The following CSGALNACT2 variants were observed in gnomAD, a reference collection of about 807,000 sequenced individuals.
CSGALNACT2 encodes chondroitin sulfate N-acetylgalactosaminyltransferase 2.
In CSGALNACT2, 35 loss-of-function variants were observed where a neutral mutation model predicts 55.3. That is an observed-to-expected ratio of 0.63 (90% CI 0.48 to 0.84). The LOEUF (loss-of-function observed/expected upper bound fraction) is 0.84, where lower values mean the gene tolerates loss of function less well. Ranked by LOEUF, CSGALNACT2 falls within the 40% of genes least tolerant of loss-of-function variation. The pLI is 0.00. For synonymous variants in CSGALNACT2, 196 were observed against 224.9 expected (o/e 0.87, Z 1.15); for missense variants, 544 against 657.5 (o/e 0.83, Z 1.89).
chr10:43,172,554 G>A (rs1427174307), intron 6 of CSGALNACT2, among the ~76,000 whole-genome samples: 3 of 152,182 alleles, frequency 2.0e-5, no homozygotes, highest in African/African-American at 4.8e-5. Flanking sequence ...AGGCCCAGGA[G>A]GCTGGGTGAT....
At chr10:43,159,535 C>T (rs557947226) in intron 3 of CSGALNACT2, among the ~76,000 whole-genome samples, 7 of 152,228 alleles carry the variant, frequency 4.6e-5, no homozygotes, top group South Asian at 4.1e-4. Context: ...TATACACTCA[C>T]GAACCACCAC....
intron 6 of CSGALNACT2, among the ~76,000 whole-genome samples, chr10:43,175,080 T>C (rs781303785): frequency 5.9e-5 from 9 of 152,238 alleles, no homozygotes; most frequent in Non-Finnish European, 1.2e-4. Context: ...CCAAGCTTCA[T>C]AGCTGCATCG....
intron 4 of CSGALNACT2, among the ~76,000 whole-genome samples, chr10:43,161,855 C>G (rs542865337): frequency 6.6e-6 from 1 of 152,262 alleles, no homozygotes; most frequent in South Asian, 2.1e-4. Flanking sequence ...CCACCCTAAC[C>G]CTGGTTCCCC....
chr10:43,172,586 C>T (rs2133146358), intron 6 of CSGALNACT2, among the ~76,000 whole-genome samples: 1 of 152,236 alleles, frequency 6.6e-6, no homozygotes, highest in East Asian at 1.9e-4. Flanking sequence ...GCCTCCACTC[C>T]TGTCCACTGT....
At position 43,155,678 on chromosome 10, in the gene CSGALNACT2, C is replaced by T. The variant is rs746251791; in HGVS notation, c.529C>T (p.Arg177Ter). 3.1e-6 allele frequency: 5 copies of T among 1,613,914 alleles called. No individual in the cohort carries two copies. The highest frequency in any genetic ancestry group is 4.2e-6 in the Non-Finnish European group (5 of 1,180,036). Reference protein sequence around the residue: ...PEEKPVRKDKRDELVEVIEAG... With the variant: ...PEEKPVRKDK The stretch of plus-strand genomic sequence containing the variant: ...AGAAAAGCCAGTTAGAAAAGACAAA[C>T]GAGATGAATTGGTGGAAGTTATTGA... The change falls in exon 2 of 8, where the codon CGA (arginine) becomes TGA (stop). Residue 177 changes from arginine (R) to a stop codon, truncating the protein, a stop_gained. Transcript: ENST00000374466. LOFTEE classifies it high-confidence loss of function.
At chr10:43,146,747 TAAG>T (rs1260767072) in intron 1 of CSGALNACT2, among the ~76,000 whole-genome samples, 6 of 151,370 alleles carry the variant, frequency 4.0e-5, no homozygotes, top group Non-Finnish European at 8.8e-5. Flanking sequence ...TTTTTTTTAA[TAAG>T]AAAATAATCT....
intron 2 of CSGALNACT2, among the ~76,000 whole-genome samples, chr10:43,156,912 C>T (rs1406736462): frequency 2.6e-5 from 4 of 152,216 alleles, no homozygotes; most frequent in African/African-American, 9.6e-5. Flanking sequence ...AGGGACCCCT[C>T]GTATAGCACA....
intron 2 of CSGALNACT2, among the ~76,000 whole-genome samples, chr10:43,156,495 G>C (rs901262957): frequency 6.6e-6 from 1 of 152,166 alleles, no homozygotes; most frequent in Non-Finnish European, 1.5e-5. Flanking sequence ...ACATTTAATT[G>C]CTGACTTAAA....
At position 43,179,357 on chromosome 10, in the gene CSGALNACT2, G is replaced by A. The variant is rs555179459; in HGVS notation, c.1336+3325G>A. On this transcript the variant is annotated intron_variant, in intron 7 of 7. Transcript: ENST00000374466. ...TTAGGTAATACACTGTGGCAACTCTGGATACTGATTTCCCTCTACCACCAC... is the reference window on the plus strand; with the variant it reads ...TTAGGTAATACACTGTGGCAACTCTAGATACTGATTTCCCTCTACCACCAC... Among the ~76,000 whole-genome samples the A allele has an allele frequency of 8.8e-4, 130 of 148,468 alleles. 1 individual carries two copies. The highest frequency in any genetic ancestry group is 1.3e-4 in the Non-Finnish European group (9 of 67,422).
chr10:43,164,897 T>G (rs1839228322), intron 5 of CSGALNACT2, among the ~76,000 whole-genome samples: 1 of 152,090 alleles, frequency 6.6e-6, no homozygotes, highest in Non-Finnish European at 1.5e-5. Context: ...AAATCAAATT[T>G]TAAATGCTTT....
chr10:43,169,585 C>T (rs1342785777), intron 6 of CSGALNACT2, among the ~76,000 whole-genome samples: 5 of 152,012 alleles, frequency 3.3e-5, no homozygotes, highest in African/African-American at 1.2e-4. Context: ...GTAAAGTTCA[C>T]GAGATAACAT....
intron 1 of CSGALNACT2, among the ~76,000 whole-genome samples, chr10:43,151,537 T>C (rs1838873783): frequency 6.6e-6 from 1 of 152,166 alleles, no homozygotes; most frequent in South Asian, 2.1e-4. Context: ...GGGTTCTGTG[T>C]CCTCTAATTT....
At position 43,164,008 on chromosome 10, in the gene CSGALNACT2, G is replaced by A. The variant is rs1291813494; in HGVS notation, c.1123G>A (p.Glu375Lys). 3.1e-6 allele frequency: 5 copies of A among 1,613,800 alleles called. No individual in the cohort carries two copies. Among genetic ancestry groups the A allele is most frequent in the East Asian group, 2.2e-5 (1 of 44,866 alleles). The change falls in exon 5 of 8, where the codon GAA becomes AAA. Residue 375 changes from glutamate (E) to lysine (K), a missense_variant. Transcript: ENST00000374466. The part of the protein sequence containing the change: ...FCDVDIYFSA[E>K]FLNSCRLNAE... ...TGATGTTGATATCTATTTCTCAGCC[G>A]AATTCCTTAACAGCTGCCGGTTAAA...
intron 1 of CSGALNACT2, among the ~76,000 whole-genome samples, chr10:43,139,948 C>A (rs1342990175): frequency 1.3e-5 from 2 of 152,216 alleles, no homozygotes; most frequent in Non-Finnish European, 2.9e-5. Context: ...TTTATCCCAG[C>A]GCTTGGGGAG....
intron 1 of CSGALNACT2, among the ~76,000 whole-genome samples, chr10:43,154,507 G>A (rs994751097): frequency 6.6e-6 from 1 of 152,146 alleles, no homozygotes; most frequent in African/African-American, 2.4e-5. Flanking sequence ...GCCAAGACAG[G>A]CAGATCACCT....
Position 43,184,072 on chromosome 10 carries a change from A to G in CSGALNACT2, c.*530A>G, listed in dbSNP as rs555395008. 1.9e-4 allele frequency: 30 copies of G among 154,072 alleles called. No individual in the cohort carries two copies. Among genetic ancestry groups the G allele is most frequent in the East Asian group, 7.6e-4 (4 of 5,236 alleles). The allele number at this position is 154,072 out of a possible 1,614,324, so 9.5% of individuals were successfully genotyped here. A position where few individuals can be genotyped will look rare whatever the true frequency, so the allele number is the denominator to read the frequency against. On this transcript the variant is annotated 3_prime_UTR_variant, in exon 8 of 8. Coordinates refer to ENST00000374466, the MANE Select transcript of CSGALNACT2 (RefSeq NM_018590.5). ...TTGACACATCTGAAATCCCCAATCAATCAATCAAGAGAAAGGTAGAACTAA... is the reference window on the plus strand; with the variant it reads ...TTGACACATCTGAAATCCCCAATCAGTCAATCAAGAGAAAGGTAGAACTAA...
At chr10:43,171,837 CTTG>C (rs999736832) in intron 6 of CSGALNACT2, among the ~76,000 whole-genome samples, 1 of 152,162 alleles carries the variant, frequency 6.6e-6, no homozygotes, top group African/African-American at 2.4e-5. Flanking sequence ...AAGACAAAAA[CTTG>C]TTTTCCTTGA....
rs1864394 is a variant in CSGALNACT2, at chr10:43,160,428, G to A, written c.879-66G>A. 2.0e-3 allele frequency: 1,623 copies of A among 793,008 alleles called. 41 individuals are homozygous for A. The Admixed American group carries it at 0.033, about 16-fold the overall frequency. The allele number at this position is 793,008 out of a possible 1,614,324, so 49.1% of individuals were successfully genotyped here. ...CATTTTCTTGTTAAAGCTTCATGTG[G>A]TTGCTTTCTTAATGAATAGTGCCTC... On this transcript the variant is annotated intron_variant, in intron 3 of 7. Coordinates refer to ENST00000374466, the MANE Select transcript of CSGALNACT2 (RefSeq NM_018590.5).
rs1839077795 is a variant in CSGALNACT2 at position 43,158,796 on chromosome 10, T to TGGTC, written c.744_745insGTCG (p.Thr249ValfsTer16). ...GCAGACCTTACGGAATATAGACATGTGACCCTCTTCCGCCCTTTTGGACCT... is the reference window on the plus strand; with the variant it reads ...GCAGACCTTACGGAATATAGACATGTGGTCGACCCTCTTCCGCCCTTTTGGACCT... On this transcript the variant is annotated frameshift_variant, in exon 3 of 8. Coordinates refer to ENST00000374466, the MANE Select transcript of CSGALNACT2 (RefSeq NM_018590.5). LOFTEE classifies it high-confidence loss of function. 2.5e-6 allele frequency: 4 copies of TGGTC among 1,612,242 alleles called. No individual in the cohort carries two copies. In the East Asian group the frequency reaches 8.9e-5, roughly 36 times the overall value.
Sources: allele counts gnomAD v4.1 joint callset (sites outside exome capture counted in the v4.1 genomes callset), GRCh38; gene constraint gnomAD v4.1.1; transcripts MANE v1.5; gene names NCBI Gene and HGNC (gene_info 2026-07-23, HGNC 2026-07-21).